The following USP26 variants were observed in gnomAD, a reference collection of about 807,000 sequenced individuals.
USP26 encodes ubiquitin specific peptidase 26, also known as ubiquitin carboxyl-terminal hydrolase 26.
For missense variants in USP26, 649 were observed against 642.3 expected, an observed-to-expected ratio of 1.01 and a Z score of -0.11; for synonymous variants, 236 against 240.6, an observed-to-expected ratio of 0.98 and a Z score of 0.18.
intron 4 of USP26, among the ~76,000 whole-genome samples, chrX:133,088,466 G>A (rs1352029376): frequency 9.0e-6 from 1 of 111,337 alleles, no homozygotes; most frequent in Non-Finnish European, 1.9e-5. Flanking sequence ...AGCTCAGGTG[G>A]TAATGTTTGC....
chrX:133,093,638 G>GA (rs11327415), intron 1 of USP26, among the ~76,000 whole-genome samples: 2 of 105,852 alleles, frequency 1.9e-5, no homozygotes, highest in African/African-American at 6.9e-5. Flanking sequence ...GTCCAAAAAA[G>GA]AAAAAAAAAT....
In USP26 at chrX:133,023,884, C is replaced by A. The variant is rs1019793827; in HGVS notation, c.*1595G>T. ...TTAATACAACTATACTGAAGCCATACCCCATATACAAGGGGGCATATTCCT... is the reference window on the plus strand; with the variant it reads ...TTAATACAACTATACTGAAGCCATAACCCATATACAAGGGGGCATATTCCT... On this transcript the variant is annotated 3_prime_UTR_variant, in exon 6 of 6. Coordinates refer to ENST00000511190, the MANE Select transcript of USP26 (RefSeq NM_031907.3). Among the ~76,000 whole-genome samples the A allele has an allele frequency of 8.9e-6, 1 of 111,735 alleles. No homozygotes were observed. Among genetic ancestry groups the A allele is most frequent in the African/African-American group, 3.3e-5 (1 of 30,708 alleles).
rs757994996 is a variant in USP26 at position 133,083,716 on chromosome X, G to A, written c.-86C>T. On this transcript the variant is annotated 5_prime_UTR_variant, in exon 5 of 6. Transcript: ENST00000511190. The stretch of plus-strand genomic sequence containing the variant: ...TTATATATATCCTTACCTCCACAAG[G>A]ATCCTGAGAGGCAAGCACTTAGCAA... The A allele has an allele frequency of 3.6e-5, 4 of 111,637 alleles. No individual in the cohort carries two copies. The highest frequency in any genetic ancestry group is 1.3e-4 in the African/African-American group (4 of 30,718). The allele number at this position is 111,637 out of a possible 1,213,427, so 9.2% of individuals were successfully genotyped here.
chrX:133,033,364 A>G (rs1156754528), intron 5 of USP26, among the ~76,000 whole-genome samples: 1 of 112,270 alleles, frequency 8.9e-6, no homozygotes, highest in African/African-American at 3.2e-5. Context: ...GTCTCTTGAC[A>G]TACACTGCAC....
intron 5 of USP26, among the ~76,000 whole-genome samples, chrX:133,047,576 A>G (rs1331222733): frequency 1.8e-5 from 2 of 112,115 alleles, no homozygotes; most frequent in African/African-American, 6.5e-5. Flanking sequence ...CAACTCTTCA[A>G]TAGAATGTGC....
At chrX:133,083,375 C>T (rs2067576471) in intron 5 of USP26, among the ~76,000 whole-genome samples, 1 of 111,520 alleles carries the variant, frequency 9.0e-6, no homozygotes, top group Admixed American at 9.6e-5. Context: ...TCAAAATATC[C>T]ACTGGGTTTA....
Position 133,091,462 on chromosome X carries a change from G to T in USP26, c.-392-19C>A, listed in dbSNP as rs952051759. 8.9e-6 allele frequency: 1 copy of T among 112,238 alleles called. No homozygotes were observed. 9.2% of individuals were successfully genotyped at this position (112,238 alleles called of 1,213,427 possible). Reference sequence around the variant, plus strand: ...TCTCTTACTGGTTTTCCAAAAAATAGAAATAAAGATCAGAACTTTGGTGTT... The same window carrying T: ...TCTCTTACTGGTTTTCCAAAAAATATAAATAAAGATCAGAACTTTGGTGTT... On this transcript the variant is annotated intron_variant, in intron 1 of 5. Transcript: ENST00000511190.
At chrX:133,038,076 T>G (rs1414905136) in intron 5 of USP26, among the ~76,000 whole-genome samples, 1 of 111,427 alleles carries the variant, frequency 9.0e-6, no homozygotes, top group African/African-American at 3.3e-5. Context: ...GCTGAGAAAA[T>G]GGGGTTTTCT....
At chrX:133,044,215 G>A (rs1200802893) in intron 5 of USP26, among the ~76,000 whole-genome samples, 1 of 113,043 alleles carries the variant, frequency 8.8e-6, no homozygotes, top group African/African-American at 3.2e-5. Flanking sequence ...CAGCATGCTG[G>A]CAGCCCTCGC....
At chrX:133,059,902 T>C (rs1602980861) in intron 5 of USP26, among the ~76,000 whole-genome samples, 1 of 112,108 alleles carries the variant, frequency 8.9e-6, no homozygotes, top group Non-Finnish European at 1.9e-5. Flanking sequence ...AAAATGCTAA[T>C]AATTTGGAGG....
chrX:133,075,236 GTATCCT>G (rs2067544047), intron 5 of USP26, among the ~76,000 whole-genome samples: 1 of 111,893 alleles, frequency 8.9e-6, no homozygotes, highest in Non-Finnish European at 1.9e-5. Context: ...AAACTGCAAT[GTATCCT>G]TTCCTTCAAG....
chrX:133,042,471 T>C (rs2067423503), intron 5 of USP26, among the ~76,000 whole-genome samples: 1 of 111,463 alleles, frequency 9.0e-6, no homozygotes, highest in South Asian at 3.9e-4. Flanking sequence ...TCCTTGTATT[T>C]CCTGGGTGAA....
intron 5 of USP26, among the ~76,000 whole-genome samples, chrX:133,066,131 C>T (rs1325934077): frequency 9.0e-6 from 1 of 111,034 alleles, no homozygotes; most frequent in African/African-American, 3.3e-5. Context: ...ACAATTGCTA[C>T]AAAGATAATA....
At chrX:133,066,527 CG>C (rs2067512350) in intron 5 of USP26, among the ~76,000 whole-genome samples, 1 of 111,123 alleles carries the variant, frequency 9.0e-6, no homozygotes, top group Non-Finnish European at 1.9e-5. Context: ...AAAACAGATA[CG>C]TAGACCAATA....
At position 133,026,873 on chromosome X, in the gene USP26, C is replaced by T. The variant is rs372900788; in HGVS notation, c.1348G>A (p.Ala450Thr). The change falls in exon 6 of 6, where the codon GCT becomes ACT. Residue 450 changes from alanine (A) to threonine (T), a missense_variant. Transcript: ENST00000511190. ...GTCTTGAGAATAACCTGACCACAAG[C>T]TTTACAAGCAATGGAGTGCAACAAC... ...LELLHSIACK[A>T]CGQVILKTEL... 2.7e-5 allele frequency: 33 copies of T among 1,209,542 alleles called. No individual in the cohort carries two copies. Among genetic ancestry groups the T allele is most frequent in the Non-Finnish European group, 3.7e-5 (33 of 895,061 alleles).
In USP26 at chrX:133,025,585, T is replaced by C; in HGVS notation, c.2636A>G (p.Tyr879Cys). ...QMQEDRRCTGYIFFYMHNEIF... is the reference protein window; with the variant it reads ...QMQEDRRCTGCIFFYMHNEIF... ...CTCATTATGCATGTAAAAGAAGATG[T>C]ACCCAGTGCAACGCCTATCCTCCTG... Residue 879 changes from tyrosine (Y) to cysteine (C), a missense_variant, in exon 6 of 6, where the codon TAC becomes TGC. Transcript: ENST00000511190. 1 of 1,211,467 alleles carries C rather than the reference T, an allele frequency of 8.3e-7. No homozygotes were observed. Among genetic ancestry groups the C allele is most frequent in the Non-Finnish European group, 1.1e-6 (1 of 895,421 alleles).
chrX:133,086,832 T>G (rs1408583691), intron 4 of USP26, among the ~76,000 whole-genome samples: 1 of 105,150 alleles, frequency 9.5e-6, no homozygotes, highest in Non-Finnish European at 1.9e-5. Flanking sequence ...GAGAATTGCT[T>G]GAATCTGGGA....
intron 5 of USP26, among the ~76,000 whole-genome samples, chrX:133,058,374 G>A (rs907334776): frequency 5.4e-5 from 6 of 111,430 alleles, no homozygotes; most frequent in African/African-American, 2.0e-4. Flanking sequence ...TTAAAGAGGT[G>A]TGTTAAAACC....
At chrX:133,045,117 G>T (rs1169962458) in intron 5 of USP26, among the ~76,000 whole-genome samples, 6 of 111,640 alleles carry the variant, frequency 5.4e-5, no homozygotes, top group Admixed American at 9.4e-5. Context: ...TTTTTGTCTA[G>T]CTAAGGGATT....
Sources: allele counts gnomAD v4.1 joint callset (sites outside exome capture counted in the v4.1 genomes callset), GRCh38; gene constraint gnomAD v4.1.1; transcripts MANE v1.5; gene names NCBI Gene and HGNC (gene_info 2026-07-23, HGNC 2026-07-21).